Variants in PCDH11X observed in about 807,000 individuals in gnomAD.
PCDH11X encodes protocadherin-11 X-linked.
In PCDH11X, 18 loss-of-function variants were observed where a neutral mutation model predicts 53.3. That is an observed-to-expected ratio of 0.34 (90% CI 0.23 to 0.50). The LOEUF is 0.50. Among genes scored for constraint, PCDH11X ranks in the 20% least tolerant of loss-of-function variants. PCDH11X has a pLI of 0.98. For missense variants in PCDH11X, 570 were observed against 1,032.4 expected (o/e 0.55, Z 6.14); for synonymous variants, 279 against 393.3 (o/e 0.71, Z 3.44).
intron 8 of PCDH11X, among the ~76,000 whole-genome samples, chrX:92,382,610 C>T (rs1474624186): frequency 1.8e-5 from 2 of 111,213 alleles, no homozygotes; most frequent in Non-Finnish European, 3.8e-5. Context: ...TGAATGACAC[C>T]AATATAATTT....
intron 6 of PCDH11X, among the ~76,000 whole-genome samples, chrX:92,190,815 C>G (rs946306733): frequency 9.0e-6 from 1 of 111,525 alleles, no homozygotes; most frequent in African/African-American, 3.2e-5. Flanking sequence ...TTTAACTAGT[C>G]TTTAGAGATT....
chrX:92,442,245 C>A (rs915801171), intron 9 of PCDH11X, among the ~76,000 whole-genome samples: 8 of 109,639 alleles, frequency 7.3e-5, no homozygotes, highest in Admixed American at 2.9e-4. Context: ...TGAGTTAAAA[C>A]TTTGAGGGAC....
At chrX:92,080,455 A>C (rs1036986746) in intron 6 of PCDH11X, among the ~76,000 whole-genome samples, 1 of 111,611 alleles carries the variant, frequency 9.0e-6, no homozygotes, top group African/African-American at 3.3e-5. Context: ...TCAAATGAGA[A>C]CAATACCTTA....
At chrX:91,960,499 A>C (rs1285562484) in intron 6 of PCDH11X, among the ~76,000 whole-genome samples, 3 of 110,520 alleles carry the variant, frequency 2.7e-5, no homozygotes, top group Non-Finnish European at 5.7e-5. Context: ...ATCTCAGCTC[A>C]CTACAAACTC....
chrX:92,227,730 A>T (rs2066995484), intron 7 of PCDH11X, among the ~76,000 whole-genome samples: 1 of 110,825 alleles, frequency 9.0e-6, no homozygotes, highest in Admixed American at 9.8e-5. Flanking sequence ...TTGTTTTTAT[A>T]ATTTCATAGA....
intron 6 of PCDH11X, among the ~76,000 whole-genome samples, chrX:92,018,757 C>A (rs1166175873): frequency 8.9e-6 from 1 of 112,486 alleles, no homozygotes; most frequent in East Asian, 2.8e-4. Context: ...TGTACACACA[C>A]ACATACACAC....
chrX:92,601,067 C>A (rs1926173098), intron 10 of PCDH11X, among the ~76,000 whole-genome samples: 1 of 110,144 alleles, frequency 9.1e-6, no homozygotes, highest in South Asian at 3.9e-4. Context: ...AACTAACTTG[C>A]TTTTGATTTT....
intron 7 of PCDH11X, among the ~76,000 whole-genome samples, chrX:92,209,675 C>T (rs748066070): frequency 5.1e-4 from 57 of 112,163 alleles, no homozygotes; most frequent in African/African-American, 1.8e-3. Flanking sequence ...AACAGTGGCC[C>T]TCTTCTCACA....
intron 5 of PCDH11X, among the ~76,000 whole-genome samples, chrX:91,853,429 T>C (rs1275588949): frequency 9.2e-6 from 1 of 108,598 alleles, no homozygotes; most frequent in African/African-American, 3.4e-5. Flanking sequence ...AATCTTAACA[T>C]AAAAAATTGG....
rs1232463334 is a variant in PCDH11X at position 92,498,065 on chromosome X, G to A, written c.3367+29743G>A. On this transcript the variant is annotated intron_variant, in intron 10 of 10. Transcript: ENST00000682573. ...TATTTATTTATTGTTTTGTTATTTG[G>A]TAAAGACACACTCCCTGTTGGCTTA... Among the ~76,000 whole-genome samples the A allele has an allele frequency of 3.6e-5, 4 of 111,394 alleles. No homozygotes were observed. In the East Asian group the frequency reaches 8.4e-4, roughly 23 times the overall value.
In PCDH11X at chrX:92,264,459, C is replaced by G. The variant is rs145221623; in HGVS notation, c.3144+1316C>G. Reference sequence around the variant, plus strand: ...GGTAGTAAAATGTCACTGGCTGCTACTATGTACAGTGTGATTATATGTGTG... The same window carrying G: ...GGTAGTAAAATGTCACTGGCTGCTAGTATGTACAGTGTGATTATATGTGTG... On this transcript the variant is annotated intron_variant, in intron 8 of 10. Transcript: ENST00000682573. 5.0e-3 allele frequency among the ~76,000 whole-genome samples: 556 copies of G among 110,951 alleles called. 6 individuals are homozygous for G. The highest frequency in any genetic ancestry group is 0.017 in the African/African-American group (532 of 30,567).
At chrX:91,800,888 A>T (rs1206256119) in intron 1 of PCDH11X, among the ~76,000 whole-genome samples, 4 of 107,814 alleles carry the variant, frequency 3.7e-5, no homozygotes, top group East Asian at 2.9e-4. Flanking sequence ...GCTGTTTTTT[A>T]AAAAAAGGTT....
intron 10 of PCDH11X, among the ~76,000 whole-genome samples, chrX:92,557,569 T>G (rs2075065620): frequency 1.8e-5 from 2 of 111,218 alleles, no homozygotes; most frequent in Non-Finnish European, 1.9e-5. Flanking sequence ...AGCATTTTGG[T>G]CAAAGCCATT....
chrX:92,113,469 C>T (rs1339135224), intron 6 of PCDH11X: 2 of 1,201,865 alleles, frequency 1.7e-6, no homozygotes, highest in South Asian at 3.5e-5. Context: ...CTCTGGCCAG[C>T]AGGTCAGTGG....
chrX:91,846,400 G>T (rs1429483728), intron 5 of PCDH11X, among the ~76,000 whole-genome samples: 1 of 110,451 alleles, frequency 9.1e-6, no homozygotes. Context: ...GGCGGATCAC[G>T]AGGTCAGGAG....
intron 10 of PCDH11X, among the ~76,000 whole-genome samples, chrX:92,579,488 T>G (rs1269577045): frequency 1.8e-5 from 2 of 110,779 alleles, no homozygotes; most frequent in Middle Eastern, 4.3e-3. Context: ...TGTCTAATTT[T>G]GGCAAGATAA....
At chrX:92,279,566 T>C (rs2068200406) in intron 8 of PCDH11X, among the ~76,000 whole-genome samples, 1 of 112,727 alleles carries the variant, frequency 8.9e-6, no homozygotes, top group African/African-American at 3.2e-5. Flanking sequence ...TTTTGTATCA[T>C]TGTTATTGAC....
rs56688164 is a variant in PCDH11X at position 91,858,842 on chromosome X, T to C, written c.541-17939T>C. ...TGGTCAAAGTCATTCAACAAGTCTC[T>C]AGGAAGTTCCAAACTTTCCCACATC... On this transcript the variant is annotated intron_variant, in intron 5 of 10. Transcript: ENST00000682573. 7.7e-3 allele frequency among the ~76,000 whole-genome samples: 861 copies of C among 111,714 alleles called. 56 individuals are homozygous for C. The East Asian group carries it at 0.21, about 27-fold the overall frequency.
At chrX:92,112,825 C>T (rs1440083652) in intron 6 of PCDH11X, among the ~76,000 whole-genome samples, 7 of 107,189 alleles carry the variant, frequency 6.5e-5, no homozygotes, top group Middle Eastern at 9.5e-3. Context: ...TGAAGAATTA[C>T]TCAAGTTGTT....
Sources: gnomAD v4.1 joint callset for allele counts (sites outside exome capture counted in the v4.1 genomes callset) on GRCh38, gnomAD v4.1.1 for gene constraint, MANE v1.5 for transcripts, NCBI Gene and HGNC (gene_info 2026-07-23, HGNC 2026-07-21) for gene names.